Variants in CPS1 observed in about 807,000 individuals in gnomAD.
CPS1 encodes carbamoyl-phosphate synthase [ammonia], mitochondrial.
In CPS1, 109 loss-of-function variants were observed where a neutral mutation model predicts 174.6. That is an observed-to-expected ratio of 0.62 (90% CI 0.53 to 0.73). The LOEUF is 0.73. Ranked by LOEUF, CPS1 falls within the 30% of genes least tolerant of loss-of-function variation. The probability of loss-of-function intolerance (pLI) is 0.00; values close to 1 mark genes in which losing one functional copy is unlikely to be tolerated. For synonymous variants in CPS1, 637 were observed against 632.0 expected (o/e 1.01, Z -0.12); for missense variants, 1,689 against 1,821.9 (o/e 0.93, Z 1.33).
intron 32 of CPS1, among the ~76,000 whole-genome samples, chr2:210,661,683 T>A (rs1276536131): frequency 6.6e-6 from 1 of 152,114 alleles, no homozygotes; most frequent in Non-Finnish European, 1.5e-5. Flanking sequence ...ATGGAGACTG[T>A]GACAAACATA....
At chr2:210,676,881 G>C in intron 36 of CPS1, 126 bp from the exon 37 acceptor site, 1 of 809,708 alleles carries the variant, frequency 1.2e-6, no homozygotes, top group Admixed American at 1.9e-5. Flanking sequence ...CAATAGAGGA[G>C]GGCAGATGGC....
intron 25 of CPS1, among the ~76,000 whole-genome samples, chr2:210,647,571 G>C (rs1700418834): frequency 6.6e-6 from 1 of 152,208 alleles, no homozygotes; most frequent in Non-Finnish European, 1.5e-5. Context: ...TTATAGCATA[G>C]AGTACATAGC....
chr2:210,502,363 C>T lies in CPS1; in HGVS notation c.3+24597C>T, dbSNP rs966551230. Among the ~76,000 whole-genome samples, 19 of 112,400 alleles carry T rather than the reference C, an allele frequency of 1.7e-4. No individual in the cohort carries two copies. The South Asian group carries it at 5.4e-3, about 32-fold the overall frequency. The allele number at this position is 112,400 out of a possible 152,430, so 73.7% of individuals were successfully genotyped here. A position where few individuals can be genotyped will look rare whatever the true frequency, so the allele number is the denominator to read the frequency against. The stretch of plus-strand genomic sequence containing the variant: ...CATCTTGGGAAAAAATAATCTCTCT[C>T]TCTCTATATATATATATTTTTTTAT... On this transcript the variant is annotated intron_variant, in intron 1 of 38. Transcript: ENST00000430249.
chr2:210,660,199 T>G (rs192649834), intron 31 of CPS1, among the ~76,000 whole-genome samples: 105 of 152,094 alleles, frequency 6.9e-4, no homozygotes, highest in African/African-American at 2.5e-3. Flanking sequence ...CCAGTGAAGG[T>G]TTTCAGGAGG....
rs752282641 is a variant in CPS1 at position 210,599,463 on chromosome 2, T to C, written c.1451T>C (p.Phe484Ser). ...VGLKQADTVY[F>S]LPITPQFVTE... is the part of the protein sequence containing the mutation. The stretch of plus-strand genomic sequence containing the variant: ...TTAAAGCAAGCGGATACTGTCTACT[T>C]TCTTCCCATCACCCCTCAGTTTGTC... The change falls in exon 14 of 38, where the codon TTT (phenylalanine) becomes TCT (serine). Residue 484 changes from phenylalanine (F) to serine (S), a missense_variant. Transcript: ENST00000233072. 3 of 1,612,618 alleles carry C rather than the reference T, an allele frequency of 1.9e-6. No homozygotes were observed. Among genetic ancestry groups the C allele is most frequent in the Admixed American group, 1.7e-5 (1 of 59,844 alleles).
At chr2:210,593,243 G>A (rs1393463830) in intron 11 of CPS1, 4 of 701,388 alleles carry the variant, frequency 5.7e-6, no homozygotes, top group Admixed American at 6.7e-5. Flanking sequence ...ATTTACAATT[G>A]TTGTACTATG....
Position 210,497,891 on chromosome 2 carries a change from TAC to T in CPS1, c.3+20127_3+20128del, listed in dbSNP as rs200242153. On this transcript the variant is annotated intron_variant, in intron 1 of 38. Transcript: ENST00000430249. ...TCTTTTTGGTAGAACAATATATACA[TAC>T]ATATATATATATATATATATATATA... Among the ~76,000 whole-genome samples, 102 of 112,698 alleles carry T rather than the reference TAC, an allele frequency of 9.1e-4. 3 individuals carry two copies. Among genetic ancestry groups the T allele is most frequent in the African/African-American group, 3.2e-3 (93 of 28,948 alleles). 73.9% of individuals were successfully genotyped at this position (112,698 alleles called of 152,430 possible).
upstream of CPS1, among the ~76,000 whole-genome samples, chr2:210,553,081 A>G (rs1696772385): frequency 6.6e-6 from 1 of 151,872 alleles, no homozygotes; most frequent in Admixed American, 6.6e-5. Flanking sequence ...GCATTGTAGC[A>G]GCAATGAAAA....
chr2:210,483,011 C>T (rs531643438), intron 1 of CPS1, among the ~76,000 whole-genome samples: 18 of 152,140 alleles, frequency 1.2e-4, no homozygotes, highest in African/African-American at 2.4e-4. Context: ...ACATATTTTG[C>T]GCAGAATAAA....
At chr2:210,497,529 C>T (rs953119303) in intron 1 of CPS1, among the ~76,000 whole-genome samples, 3 of 152,034 alleles carry the variant, frequency 2.0e-5, no homozygotes, top group Non-Finnish European at 4.4e-5. Context: ...AGTTTTTCAA[C>T]CCTTGTCCCC....
intron 21 of CPS1, among the ~76,000 whole-genome samples, chr2:210,630,555 C>T (rs1039906960): frequency 6.6e-6 from 1 of 152,156 alleles, no homozygotes; most frequent in African/African-American, 2.4e-5. Context: ...GTCACGTGAA[C>T]ATTGGATCTA....
intron 1 of CPS1, among the ~76,000 whole-genome samples, chr2:210,509,470 C>T (rs1695390377): frequency 6.6e-6 from 1 of 152,178 alleles, no homozygotes; most frequent in Non-Finnish European, 1.5e-5. Context: ...AAAACTGGCA[C>T]ATGATAGGGA....
In CPS1 at chr2:210,605,237, GT is replaced by G; in HGVS notation, c.1974del (p.His659ThrfsTer22). 1 of 1,611,900 alleles carries G rather than the reference GT, an allele frequency of 6.2e-7. No homozygotes were observed. Among genetic ancestry groups the G allele is most frequent in the Non-Finnish European group, 8.5e-7 (1 of 1,178,568 alleles). On this transcript the variant is annotated frameshift_variant, in exon 17 of 38. Transcript: ENST00000233072. LOFTEE classifies it high-confidence loss of function. The stretch of plus-strand genomic sequence containing the variant: ...CATGGAAAATGTTGATGCCATGGGT[GT>G]TCACACAGGTAGGCAAAGTATCTTC... ...CNMENVDAMG[V>X]HTGDSVVVAP... is the part of the protein sequence containing the mutation.
In CPS1 at chr2:210,510,742, A is replaced by G. The variant is rs1452824282; in HGVS notation, c.3+32976A>G. On this transcript the variant is annotated intron_variant, in intron 1 of 38. Transcript: ENST00000430249. Reference sequence around the variant, plus strand: ...GAAGGATATGAACAGACGCTTCTCAAAAGAAGACATTTATGCAGCCAAAAG... The same window carrying G: ...GAAGGATATGAACAGACGCTTCTCAGAAGAAGACATTTATGCAGCCAAAAG... Among the ~76,000 whole-genome samples, 3 of 152,224 alleles carry G rather than the reference A, an allele frequency of 2.0e-5. No homozygotes were observed. The East Asian group carries it at 5.8e-4, about 29-fold the overall frequency.
At chr2:210,560,216 T>C (rs1697053605) in intron 1 of CPS1, among the ~76,000 whole-genome samples, 1 of 152,006 alleles carries the variant, frequency 6.6e-6, no homozygotes, top group African/African-American at 2.4e-5. Context: ...TAATAACCTA[T>C]TTCATTCATT....
At chr2:210,489,204 T>G (rs967945515) in intron 1 of CPS1, among the ~76,000 whole-genome samples, 1 of 152,238 alleles carries the variant, frequency 6.6e-6, no homozygotes, top group African/African-American at 2.4e-5. Context: ...CTTTCAGAAC[T>G]AAAGAATATA....
intron 29 of CPS1, 131 bp downstream of exon 29, chr2:210,654,233 TA>T (rs963804687): frequency 1.0e-5 from 8 of 780,888 alleles, no homozygotes; most frequent in Admixed American, 2.3e-5. Context: ...GGAGAAGCTG[TA>T]AAAAAAATCA....
chr2:210,500,111 G>A (rs1241307078), intron 1 of CPS1, among the ~76,000 whole-genome samples: 1 of 152,072 alleles, frequency 6.6e-6, no homozygotes, highest in Admixed American at 6.6e-5. Flanking sequence ...CAGATCTCAT[G>A]AGAACTCATC....
At chr2:210,521,551 G>C (rs1238124902) in intron 1 of CPS1, among the ~76,000 whole-genome samples, 1 of 151,842 alleles carries the variant, frequency 6.6e-6, no homozygotes, top group Non-Finnish European at 1.5e-5. Flanking sequence ...ATTTTACAGA[G>C]TTTCCATTGC....
Sources: gnomAD v4.1 joint callset for allele counts (sites outside exome capture counted in the v4.1 genomes callset) on GRCh38, gnomAD v4.1.1 for gene constraint, MANE v1.5 for transcripts, NCBI Gene and HGNC (gene_info 2026-07-23, HGNC 2026-07-21) for gene names.